The following GCN1 variants were observed in gnomAD, a reference collection of about 807,000 sequenced individuals.
The protein encoded by GCN1 is stalled ribosome sensor GCN1.
Under a neutral mutation model 288.4 loss-of-function variants are expected in GCN1, and 90 were observed. The ratio of observed to expected loss-of-function variants is 0.31; its 90% confidence interval spans 0.26 to 0.37. GCN1 has a LOEUF of 0.37. Ranked by LOEUF, GCN1 falls within the 10% of genes least tolerant of loss-of-function variation. The pLI is 1.00. For missense variants in GCN1, 2,586 were observed against 3,419.9 expected (o/e 0.76, Z 6.08); for synonymous variants, 1,386 against 1,420.2 (o/e 0.98, Z 0.54).
At chr12:120,152,623 C>CCA (rs968383369) in intron 33 of GCN1, among the ~76,000 whole-genome samples, 6 of 126,190 alleles carry the variant, frequency 4.8e-5, no homozygotes, top group Non-Finnish European at 8.2e-5. Context: ...AAAATGCAAA[C>CCA]CACACACACA....
At chr12:120,152,383 A>ACG (rs1877585541) in intron 33 of GCN1, among the ~76,000 whole-genome samples, 1 of 125,244 alleles carries the variant, frequency 8.0e-6, no homozygotes, top group African/African-American at 3.5e-5. Context: ...AACCACACAC[A>ACG]CACGCGCACA....
chr12:120,144,284 G>C lies in GCN1; in HGVS notation c.5495+22C>G, dbSNP rs759720981. ...AGCCACCACGCATCATCCCCACTGGGTCTTTCTGCCCAAGTTCTCACCTGA... is the reference window on the plus strand; with the variant it reads ...AGCCACCACGCATCATCCCCACTGGCTCTTTCTGCCCAAGTTCTCACCTGA... On this transcript the variant is annotated intron_variant, in intron 42 of 57. Transcript: ENST00000300648. This position sits in a 1 kb window ranked among gnomAD's most constrained non-coding sequence, Gnocchi z 4.7. 1.2e-5 allele frequency: 19 copies of C among 1,613,798 alleles called. No homozygotes were observed. In the African/African-American group the frequency reaches 2.4e-4, roughly 20 times the overall value.
In GCN1 at chr12:120,145,273, G is replaced by C; in HGVS notation, c.5005C>G (p.Pro1669Ala). 6.2e-7 allele frequency: 1 copy of C among 1,600,232 alleles called. No individual in the cohort carries two copies. Among genetic ancestry groups the C allele is most frequent in the Middle Eastern group, 1.7e-4 (1 of 5,964 alleles). ...TPGLKASLLD[P>A]VPEVRTVSAK... ...TACCTCAGACTCACCTCAGGCACAG[G>C]GTCCAAAAGCGATGCTTTCAGGCCA... Residue 1669 changes from proline (P) to alanine (A), a missense_variant, in exon 39 of 58, where the codon CCT becomes GCT. By Grantham distance (27) the Pro-to-Ala change is conservative (BLOSUM62 -1). Around this residue, in one of 8 missense-constraint regions of GCN1, gnomAD observed 371 missense variants for 572.6 expected, o/e 0.65. Transcript: ENST00000300648.
Position 120,187,916 on chromosome 12 carries a change from T to G in GCN1, c.121+2382A>C, listed in dbSNP as rs145526844. On this transcript the variant is annotated intron_variant, in intron 2 of 57. Coordinates refer to ENST00000300648, the MANE Select transcript of GCN1 (RefSeq NM_006836.2). Reference sequence around the variant, plus strand: ...AAAAAAAAAAACAAAAAACTAGAATTTATTGAGTGAAGGCAAAATGGTCTT... The same window carrying G: ...AAAAAAAAAAACAAAAAACTAGAATGTATTGAGTGAAGGCAAAATGGTCTT... Among the ~76,000 whole-genome samples the G allele has an allele frequency of 3.6e-3, 548 of 151,796 alleles. 4 individuals are homozygous for G. The highest frequency in any genetic ancestry group is 0.012 in the African/African-American group (506 of 41,322).
At position 120,144,863 on chromosome 12, in the gene GCN1, T is replaced by C. The variant is rs1877313755; in HGVS notation, c.5156-28A>G. On this transcript the variant is annotated intron_variant, in intron 40 of 57. Coordinates refer to ENST00000300648, the MANE Select transcript of GCN1 (RefSeq NM_006836.2). The surrounding 1 kb of genome is among the most constrained non-coding windows in gnomAD (Gnocchi z 4.7). ...GCAACAAAGGACAGAATGAGTCCAC[T>C]GGATCTGAGGGCCCCTTAGAGCATT... 1.9e-6 allele frequency: 3 copies of C among 1,614,032 alleles called. No homozygotes were observed. The highest frequency in any genetic ancestry group is 2.5e-6 in the Non-Finnish European group (3 of 1,179,886).
chr12:120,128,101 T>A, intron 57 of GCN1, 127 bp from the exon 58 acceptor site: 1 of 903,120 alleles, frequency 1.1e-6, no homozygotes, highest in South Asian at 1.6e-5. Flanking sequence ...TCTGGCAAAA[T>A]AAGGGAATCA....
intron 5 of GCN1, among the ~76,000 whole-genome samples, chr12:120,181,929 C>T (rs1485167953): frequency 2.0e-5 from 3 of 151,682 alleles, no homozygotes; most frequent in Non-Finnish European, 2.9e-5. Context: ...GACGGATCAC[C>T]TGAGGTCAGG....
rs749877923 is a variant in GCN1, at chr12:120,161,864, A to G, written c.2342+16T>C. The G allele has an allele frequency of 3.5e-5, 57 of 1,612,180 alleles. No homozygotes were observed. The highest frequency in any genetic ancestry group is 1.5e-4 in the Admixed American group (9 of 59,940). On this transcript the variant is annotated intron_variant, in intron 21 of 57. Transcript: ENST00000300648. ...TTGGGGAGCAAAGGAAACTGAGCCC[A>G]TAAGTGAGGTCTCACCTCTGAATGA...
chr12:120,145,103 G>A (rs369037066), intron 39 of GCN1, 42 bp from the exon 40 acceptor site: 1 of 1,612,804 alleles, frequency 6.2e-7, no homozygotes, highest in Non-Finnish European at 8.5e-7. Context: ...AGAAGATGAG[G>A]CTCAAAACAA....
At chr12:120,143,069 G>C in intron 42 of GCN1, 128 bp from the exon 43 acceptor site, 1 of 593,392 alleles carries the variant, frequency 1.7e-6, no homozygotes, top group Non-Finnish European at 3.0e-6. Flanking sequence ...AATGGGAAGA[G>C]TCAGGTGGTT....
intron 16 of GCN1, among the ~76,000 whole-genome samples, chr12:120,166,435 T>C (rs1455514834): frequency 7.4e-6 from 1 of 134,510 alleles, no homozygotes; most frequent in Non-Finnish European, 1.6e-5. Context: ...CCTGATCCGG[T>C]GGCTCACGCA....
chr12:120,170,564 T>G (rs1021115503), intron 14 of GCN1, among the ~76,000 whole-genome samples: 3 of 152,118 alleles, frequency 2.0e-5, no homozygotes, highest in African/African-American at 7.2e-5. Context: ...ATCCCAGCAC[T>G]TTGGGAGGCC....
Position 120,127,812 on chromosome 12 carries a change from G to C in GCN1, c.*37C>G. 1 of 1,602,646 alleles carries C rather than the reference G, an allele frequency of 6.2e-7. No individual in the cohort carries two copies. Among genetic ancestry groups the C allele is most frequent in the Non-Finnish European group, 8.5e-7 (1 of 1,171,458 alleles). The stretch of plus-strand genomic sequence containing the variant: ...TTCAAAAATGAAAACATTGAGCAAA[G>C]ATGTGGAGCGGCAATGCTGCTGCTG... On this transcript the variant is annotated 3_prime_UTR_variant, in exon 58 of 58. Coordinates refer to ENST00000300648, the MANE Select transcript of GCN1 (RefSeq NM_006836.2).
intron 2 of GCN1, among the ~76,000 whole-genome samples, chr12:120,185,856 C>T (rs1478961216): frequency 6.6e-6 from 1 of 152,106 alleles, no homozygotes; most frequent in Non-Finnish European, 1.5e-5. Flanking sequence ...GCCTCAGCCT[C>T]CCAAAGTGCT....
At chr12:120,149,105 G>A (rs969408335) in intron 36 of GCN1, among the ~76,000 whole-genome samples, 1 of 151,694 alleles carries the variant, frequency 6.6e-6, no homozygotes, top group East Asian at 1.9e-4. Context: ...CCTGGGGGGG[G>A]AAAACTTTAA....
chr12:120,134,305 G>A lies in GCN1; in HGVS notation c.7303C>T (p.Leu2435=). Residue 2435 remains leucine, a synonymous_variant, in exon 53 of 58, where the codon CTG becomes TTG. Coordinates refer to ENST00000300648, the MANE Select transcript of GCN1 (RefSeq NM_006836.2). The surrounding 1 kb of genome is among the most constrained non-coding windows in gnomAD (Gnocchi z 5.0). ...TGCAGCCGTACCTCATCGTGTCCCA[G>A]CATGCTCAGCAGGAGTGAGACGATG... is the stretch of plus-strand genomic sequence containing the variant. The part of the protein sequence containing the change: ...KNIVSLLLSM[L]GHDEDNTRIS... The A allele has an allele frequency of 6.2e-7, 1 of 1,612,458 alleles. No homozygotes were observed. The highest frequency in any genetic ancestry group is 8.5e-7 in the Non-Finnish European group (1 of 1,178,592).
In GCN1 at chr12:120,137,278, C is replaced by G; in HGVS notation, c.6705G>C (p.Leu2235=). The stretch of plus-strand genomic sequence containing the variant: ...TCCCTATGAGCCGGATTTCCTTGTG[C>G]AGCTCTTCAATGAGTGCCAACTGGT... ...AGNQLALIEE[L]HKEIRLIGNE... is the part of the protein sequence containing the mutation. Residue 2235 remains leucine (L), a synonymous_variant, in exon 50 of 58, where the codon CTG becomes CTC. Coordinates refer to ENST00000300648, the MANE Select transcript of GCN1 (RefSeq NM_006836.2). This position sits in a 1 kb window ranked among gnomAD's most constrained non-coding sequence, Gnocchi z 5.2. 2 of 1,614,134 alleles carry G rather than the reference C, an allele frequency of 1.2e-6. No individual in the cohort carries two copies. Among genetic ancestry groups the G allele is most frequent in the Non-Finnish European group, 1.7e-6 (2 of 1,180,024 alleles).
intron 36 of GCN1, 87 bp downstream of exon 36, chr12:120,149,519 G>A: frequency 1.1e-6 from 1 of 910,568 alleles, no homozygotes. Flanking sequence ...GAGCTCACAG[G>A]ACAAGAGCTG....
rs1877238562 is a variant in GCN1, at chr12:120,142,731, A to G, written c.5614-9T>C. The G allele has an allele frequency of 1.2e-6, 2 of 1,613,706 alleles. No individual in the cohort carries two copies. Among genetic ancestry groups the G allele is most frequent in the Non-Finnish European group, 8.5e-7 (1 of 1,179,612 alleles). On this transcript the variant is annotated splice_polypyrimidine_tract_variant and intron_variant, in intron 43 of 57. Transcript: ENST00000300648. This position sits in a 1 kb window ranked among gnomAD's most constrained non-coding sequence, Gnocchi z 4.9. The stretch of plus-strand genomic sequence containing the variant: ...AGGGCAGTGATGATCGCCTGCAGCC[A>G]GTAGAAGGGGACAGAGAGTAGTGAA...
Sources: gnomAD v4.1 joint callset for allele counts (sites outside exome capture counted in the v4.1 genomes callset) on GRCh38, gnomAD v4.1.1 for gene constraint, gnomAD v4.1.1 regional missense constraint, Gnocchi (gnomAD v3.1) non-coding constraint, MANE v1.5 for transcripts, NCBI Gene and HGNC (gene_info 2026-07-23, HGNC 2026-07-21) for gene names.